The following SMIM35 variants were observed in gnomAD, a reference collection of about 807,000 sequenced individuals.
The protein encoded by SMIM35 is TMPRSS4 antisense RNA 1 (non-protein coding).
At chr11:118,025,326 T>C (rs558090730) in intron 1 of SMIM35, 48 of 342,792 alleles carry the variant, frequency 1.4e-4, no homozygotes, top group African/African-American at 1.0e-3. Context: ...GTGTTTTGAG[T>C]TCCTTGAAAA....
chr11:118,031,307 TA>T (rs2058317747), intron 1 of SMIM35, among the ~76,000 whole-genome samples: 1 of 152,196 alleles, frequency 6.6e-6, no homozygotes, highest in African/African-American at 2.4e-5. Flanking sequence ...CATCTACCAC[TA>T]AGATCTTGGC....
rs186954639 is a variant in SMIM35, at chr11:118,066,229, C to T, written c.7+20522G>A. Among the ~76,000 whole-genome samples the T allele has an allele frequency of 3.9e-5, 6 of 152,208 alleles. No individual in the cohort carries two copies. In the East Asian group the frequency reaches 7.7e-4, roughly 20 times the overall value. ...ATCCCCCAGACACCTGGAAATACCC[C>T]GGGATTGGATCTCTTCGCCCTTGTT... On this transcript the variant is annotated intron_variant, in intron 1 of 4. Transcript: ENST00000689828.
At chr11:118,048,155 C>A (rs1944133771) in intron 1 of SMIM35, among the ~76,000 whole-genome samples, 1 of 152,136 alleles carries the variant, frequency 6.6e-6, no homozygotes, top group Non-Finnish European at 1.5e-5. Context: ...CATATCAAAT[C>A]CTGATTTTGT....
chr11:118,023,652 G>A (rs1157794146), intron 1 of SMIM35, among the ~76,000 whole-genome samples: 4 of 152,018 alleles, frequency 2.6e-5, no homozygotes, highest in Admixed American at 1.3e-4. Flanking sequence ...AGCACACTAG[G>A]CATCACAGAA....
At chr11:118,019,637 C>T (rs141053905) in intron 1 of SMIM35, among the ~76,000 whole-genome samples, 2 of 152,100 alleles carry the variant, frequency 1.3e-5, no homozygotes, top group Non-Finnish European at 2.9e-5. Flanking sequence ...TCTATTTGTG[C>T]TTTTTAAAAA....
intron 1 of SMIM35, among the ~76,000 whole-genome samples, chr11:118,048,442 A>G (rs1944138381): frequency 6.6e-6 from 1 of 152,000 alleles, no homozygotes; most frequent in South Asian, 2.1e-4. Context: ...GAAGCTGGGC[A>G]GTGGAAGTTG....
At chr11:118,036,571 A>G (rs1213071398) in intron 1 of SMIM35, among the ~76,000 whole-genome samples, 3 of 152,112 alleles carry the variant, frequency 2.0e-5, no homozygotes, top group Non-Finnish European at 4.4e-5. Flanking sequence ...TGATGCATAC[A>G]CCCTAAGCTG....
At chr11:118,073,792 C>G (rs1325226378) in intron 1 of SMIM35, among the ~76,000 whole-genome samples, 1 of 152,244 alleles carries the variant, frequency 6.6e-6, no homozygotes, top group African/African-American at 2.4e-5. Context: ...CTGGGTCAGC[C>G]CTCAGCAGCG....
At chr11:118,046,048 A>G (rs545844122) in intron 1 of SMIM35, among the ~76,000 whole-genome samples, 1 of 152,344 alleles carries the variant, frequency 6.6e-6, no homozygotes, top group South Asian at 2.1e-4. Flanking sequence ...GATATTCAAT[A>G]AGTTATTTTC....
chr11:118,043,181 G>C (rs1400695346), intron 1 of SMIM35, among the ~76,000 whole-genome samples: 1 of 152,164 alleles, frequency 6.6e-6, no homozygotes, highest in Non-Finnish European at 1.5e-5. Context: ...AAGGTATCCA[G>C]ATTGGAAAGG....
intron 1 of SMIM35, among the ~76,000 whole-genome samples, chr11:118,018,733 C>T (rs2512155): frequency 0.23 from 35,142 of 152,100 alleles, 4,233 homozygotes; most frequent in East Asian, 0.42. Flanking sequence ...TATGTCTCCA[C>T]TGTTACTTTT....
At chr11:118,012,925 C>T (rs1425386309) in intron 4 of SMIM35, among the ~76,000 whole-genome samples, 1 of 152,238 alleles carries the variant, frequency 6.6e-6, no homozygotes, top group Non-Finnish European at 1.5e-5. Flanking sequence ...CTGCTGGTGT[C>T]TGGAGGCCTT....
chr11:118,034,990 C>T (rs1325006033), intron 1 of SMIM35, among the ~76,000 whole-genome samples: 3 of 147,438 alleles, frequency 2.0e-5, no homozygotes, highest in Admixed American at 6.9e-5. Context: ...TTCACTCTGT[C>T]GCCCAGGCTG....
intron 1 of SMIM35, among the ~76,000 whole-genome samples, chr11:118,054,156 A>ATTTTTTTTT (rs1345936190): frequency 9.2e-6 from 1 of 108,288 alleles, no homozygotes; most frequent in Non-Finnish European, 2.0e-5. Flanking sequence ...GGTTTTTGGG[A>ATTTTTTTTT]TTTTTTTGTT....
chr11:118,041,902 T>C (rs905220825), intron 1 of SMIM35, among the ~76,000 whole-genome samples: 1 of 151,268 alleles, frequency 6.6e-6, no homozygotes, highest in African/African-American at 2.4e-5. Flanking sequence ...AATACAAAAA[T>C]TAGCTGGGCA....
intron 1 of SMIM35, among the ~76,000 whole-genome samples, chr11:118,042,678 T>C (rs1046979179): frequency 6.6e-6 from 1 of 152,110 alleles, no homozygotes; most frequent in Non-Finnish European, 1.5e-5. Context: ...AGAAAAAATA[T>C]CTCTTATGAA....
intron 1 of SMIM35, among the ~76,000 whole-genome samples, chr11:118,025,005 G>A (rs775068606): frequency 3.0e-4 from 45 of 152,032 alleles, no homozygotes; most frequent in Non-Finnish European, 4.6e-4. Context: ...CACTTGTAAC[G>A]GAAAACATGT....
In SMIM35 at chr11:118,005,208, A is replaced by T. The variant is rs941102423; in HGVS notation, c.*1202T>A. 2.0e-5 allele frequency: 3 copies of T among 152,204 alleles called. No homozygotes were observed. The highest frequency in any genetic ancestry group is 6.5e-5 in the Admixed American group (1 of 15,280). 9.4% of individuals were successfully genotyped at this position (152,204 alleles called of 1,614,324 possible). On this transcript the variant is annotated 3_prime_UTR_variant, in exon 5 of 5. Coordinates refer to ENST00000689828, the MANE Select transcript of SMIM35 (RefSeq NM_001394165.1). ...ATTTGTCTTCCTAAGCTGCTCCCCAAGGCCCAGAATTTCTGAATACCGGTT... is the reference window on the plus strand; with the variant it reads ...ATTTGTCTTCCTAAGCTGCTCCCCATGGCCCAGAATTTCTGAATACCGGTT...
chr11:118,019,207 G>A (rs11216688), intron 1 of SMIM35, among the ~76,000 whole-genome samples: 14,607 of 152,220 alleles, frequency 0.096, 974 homozygotes, highest in East Asian at 0.37. Flanking sequence ...TTCTGGCCAT[G>A]GTGGAATAAT....
Sources: allele counts gnomAD v4.1 joint callset (sites outside exome capture counted in the v4.1 genomes callset), GRCh38; gene constraint gnomAD v4.1.1; transcripts MANE v1.5; gene names NCBI Gene and HGNC (gene_info 2026-07-23, HGNC 2026-07-21).